ATXN1: variants seen among roughly 807,000 people sequenced by gnomAD.
ATXN1 encodes the protein ataxin-1.
A neutral mutation model predicts 56.4 loss-of-function variants in ATXN1; 8 were observed. That is an observed-to-expected ratio of 0.14 (90% CI 0.08 to 0.26). ATXN1 has a LOEUF of 0.26. ATXN1 is among the 10% of genes least tolerant of loss of function. The pLI is 1.00. For missense variants in ATXN1, 987 were observed against 1,106.5 expected, an observed-to-expected ratio of 0.89 and a Z score of 1.53; for synonymous variants, 514 against 494.6, an observed-to-expected ratio of 1.04 and a Z score of -0.52.
At chr6:16,447,521 G>A (rs550581731) in intron 6 of ATXN1, among the ~76,000 whole-genome samples, 1 of 152,262 alleles carries the variant, frequency 6.6e-6, no homozygotes, top group Admixed American at 6.5e-5. Context: ...ACCACACCCT[G>A]CCTATTTTTA....
intron 6 of ATXN1, among the ~76,000 whole-genome samples, chr6:16,367,362 TCACACACA>T (rs67144687): frequency 6.9e-6 from 1 of 144,462 alleles, no homozygotes; most frequent in Non-Finnish European, 1.5e-5. Context: ...TCTCTCTCTC[TCACACACA>T]CACACACACA....
At chr6:16,322,511 C>T (rs1054057530) in intron 7 of ATXN1, among the ~76,000 whole-genome samples, 2 of 152,160 alleles carry the variant, frequency 1.3e-5, no homozygotes, top group African/African-American at 4.8e-5. Flanking sequence ...TCTCTTCTTC[C>T]ACAACTTCCC....
chr6:16,341,746 C>T (rs1450730844), intron 6 of ATXN1, among the ~76,000 whole-genome samples: 1 of 151,914 alleles, frequency 6.6e-6, no homozygotes, highest in African/African-American at 2.4e-5. Context: ...GTCTTGATCT[C>T]CTGACCTCTT....
chr6:16,640,185 A>G (rs1245750670), intron 3 of ATXN1, among the ~76,000 whole-genome samples: 3 of 152,166 alleles, frequency 2.0e-5, no homozygotes, highest in African/African-American at 4.8e-5. Flanking sequence ...CAGTATTTCA[A>G]ACTTTTGCGC....
At chr6:16,416,324 A>C (rs1017188700) in intron 6 of ATXN1, among the ~76,000 whole-genome samples, 2 of 152,258 alleles carry the variant, frequency 1.3e-5, no homozygotes, top group African/African-American at 4.8e-5. Flanking sequence ...TTCCTCCTAA[A>C]AAATCTAAAT....
Position 16,385,406 on chromosome 6 carries a change from G to T in ATXN1, c.-160-56936C>A, listed in dbSNP as rs552719214. On this transcript the variant is annotated intron_variant, in intron 6 of 7. Transcript: ENST00000436367. ...TGCCACTGAGCTGTCATCAGGTTTG[G>T]CCTGCTGCAGGGGCAGTAAGCATGG... Among the ~76,000 whole-genome samples, 33 of 152,336 alleles carry T rather than the reference G, an allele frequency of 2.2e-4. 1 individual carries two copies. Among genetic ancestry groups the T allele is most frequent in the African/African-American group, 7.9e-4 (33 of 41,572 alleles).
intron 3 of ATXN1, among the ~76,000 whole-genome samples, chr6:16,586,151 G>A (rs13437332): frequency 0.097 from 14,698 of 152,078 alleles, 1,386 homozygotes; most frequent in African/African-American, 0.25. Context: ...GTTCTGGCCA[G>A]GGGTTGCTTC....
chr6:16,522,059 T>A (rs373853263), intron 5 of ATXN1, among the ~76,000 whole-genome samples: 1 of 152,192 alleles, frequency 6.6e-6, no homozygotes, highest in Non-Finnish European at 1.5e-5. Flanking sequence ...ACCAGACTTG[T>A]GCAGGGCAAA....
Position 16,565,390 on chromosome 6 carries a change from G to A in ATXN1, c.-361+20390C>T, listed in dbSNP as rs542862995. 2.7e-3 allele frequency among the ~76,000 whole-genome samples: 405 copies of A among 152,166 alleles called. 1 individual carries two copies. The highest frequency in any genetic ancestry group is 4.5e-3 in the Non-Finnish European group (308 of 68,006). On this transcript the variant is annotated intron_variant, in intron 4 of 7. Transcript: ENST00000436367. ...ATCATTCCCCATAATCTATTTATTT[G>A]ATGTTTGATTTATCTGATAAACATG...
At chr6:16,407,866 A>C (rs1758716811) in intron 6 of ATXN1, among the ~76,000 whole-genome samples, 1 of 152,166 alleles carries the variant, frequency 6.6e-6, no homozygotes. Context: ...CCTGGAAGAA[A>C]AAGAAACAGG....
intron 2 of ATXN1, among the ~76,000 whole-genome samples, chr6:16,715,174 G>A (rs910344833): frequency 1.3e-5 from 2 of 152,030 alleles, no homozygotes; most frequent in Admixed American, 6.6e-5. Flanking sequence ...TGCCACATCC[G>A]CTAAAAATCA....
chr6:16,330,719 T>C (rs190736820), intron 6 of ATXN1, among the ~76,000 whole-genome samples: 264 of 152,264 alleles, frequency 1.7e-3, no homozygotes, highest in Non-Finnish European at 2.8e-3. Flanking sequence ...TTATTGGTTT[T>C]GCTCCAACAT....
chr6:16,581,220 TGTGTGCGCGC>T (rs1018066664), intron 4 of ATXN1, among the ~76,000 whole-genome samples: 6 of 133,054 alleles, frequency 4.5e-5, no homozygotes, highest in African/African-American at 1.7e-4. Context: ...TGTGTGTGTG[TGTGTGCGCGC>T]GTGTGTGTGT....
At chr6:16,419,302 G>C (rs905933240) in intron 6 of ATXN1, among the ~76,000 whole-genome samples, 4 of 152,022 alleles carry the variant, frequency 2.6e-5, no homozygotes, top group African/African-American at 9.7e-5. Flanking sequence ...ACAGTGCTTG[G>C]CACATAATAC....
intron 3 of ATXN1, among the ~76,000 whole-genome samples, chr6:16,598,141 A>G (rs1313465324): frequency 6.6e-6 from 1 of 152,228 alleles, no homozygotes; most frequent in East Asian, 1.9e-4. Flanking sequence ...TAAATATAAA[A>G]AGTTAAAACA....
chr6:16,519,813 C>A (rs1047679724), intron 5 of ATXN1, among the ~76,000 whole-genome samples: 10 of 152,250 alleles, frequency 6.6e-5, no homozygotes, highest in African/African-American at 2.4e-4. Flanking sequence ...CAGGCATTGC[C>A]TTGTCTCTCA....
At chr6:16,509,845 C>T (rs1302985949) in intron 5 of ATXN1, among the ~76,000 whole-genome samples, 2 of 152,172 alleles carry the variant, frequency 1.3e-5, no homozygotes, top group Non-Finnish European at 2.9e-5. Context: ...CTTACCTTCC[C>T]AACTGTTATC....
At chr6:16,622,298 C>T (rs1180936723) in intron 3 of ATXN1, among the ~76,000 whole-genome samples, 4 of 152,008 alleles carry the variant, frequency 2.6e-5, no homozygotes, top group East Asian at 3.8e-4. Context: ...TTGCATTAAA[C>T]GGTAAGGAGC....
chr6:16,345,225 C>G (rs1761350866), intron 6 of ATXN1, among the ~76,000 whole-genome samples: 1 of 152,144 alleles, frequency 6.6e-6, no homozygotes, highest in Non-Finnish European at 1.5e-5. Context: ...CCATTTCAAA[C>G]ATACTTTCTC....
Sources: gnomAD v4.1 joint callset for allele counts (sites outside exome capture counted in the v4.1 genomes callset) on GRCh38, gnomAD v4.1.1 for gene constraint, MANE v1.5 for transcripts, NCBI Gene and HGNC (gene_info 2026-07-23, HGNC 2026-07-21) for gene names.